Variants in HDX observed in about 807,000 individuals in gnomAD.
The protein encoded by HDX is highly divergent homeobox, also known as chromosome X open reading frame 43.
Under a neutral mutation model 45.2 loss-of-function variants are expected in HDX, and 19 were observed. That is an observed-to-expected ratio of 0.42 (90% CI 0.29 to 0.62). The LOEUF is 0.62. Among genes scored for constraint, HDX ranks in the 20% least tolerant of loss-of-function variants. HDX has a pLI of 0.20. For synonymous variants in HDX, 188 were observed against 172.8 expected, an observed-to-expected ratio of 1.09 and a Z score of -0.69; for missense variants, 532 against 493.9, an observed-to-expected ratio of 1.08 and a Z score of -0.73.
intron 6 of HDX, among the ~76,000 whole-genome samples, chrX:84,359,240 T>TA (rs2037560511): frequency 9.0e-6 from 1 of 110,727 alleles, no homozygotes; most frequent in South Asian, 3.9e-4. Flanking sequence ...GCAGGTTTGT[T>TA]ACAAAGGTAA....
chrX:84,361,395 A>G (rs2037619192), intron 6 of HDX, 71 bp downstream of exon 6: 14 of 959,692 alleles, frequency 1.5e-5, no homozygotes, highest in Non-Finnish European at 2.1e-5. Context: ...GGAGCACCTC[A>G]TGTAAGATTT....
chrX:84,458,800 C>T (rs1304225607), intron 4 of HDX, among the ~76,000 whole-genome samples: 1 of 111,501 alleles, frequency 9.0e-6, no homozygotes, highest in East Asian at 2.8e-4. Flanking sequence ...GGACCATAAA[C>T]TGTTTATTGC....
At chrX:84,501,855 A>G (rs2041125833) in intron 1 of HDX, among the ~76,000 whole-genome samples, 1 of 110,850 alleles carries the variant, frequency 9.0e-6, no homozygotes, top group Non-Finnish European at 1.9e-5. Flanking sequence ...GCGCCTGTGC[A>G]AACTCCACGC....
chrX:84,465,320 G>GTA (rs1170835855), intron 4 of HDX, among the ~76,000 whole-genome samples: 19 of 111,947 alleles, frequency 1.7e-4, no homozygotes, highest in Non-Finnish European at 3.4e-4. Context: ...CCCATTACTG[G>GTA]TATATACCCA....
intron 9 of HDX, among the ~76,000 whole-genome samples, chrX:84,330,253 A>G (rs921690393): frequency 2.1e-4 from 23 of 111,903 alleles, no homozygotes; most frequent in Admixed American, 5.7e-4. Context: ...TTCAAAAAAC[A>G]TGGAAGTAGC....
At chrX:84,378,470 A>G (rs2038109727) in intron 5 of HDX, among the ~76,000 whole-genome samples, 2 of 111,842 alleles carry the variant, frequency 1.8e-5, no homozygotes, top group Admixed American at 1.9e-4. Flanking sequence ...ACAGTACAAT[A>G]AAGTACAATT....
At chrX:84,380,370 T>C (rs2038159562) in intron 5 of HDX, among the ~76,000 whole-genome samples, 1 of 110,249 alleles carries the variant, frequency 9.1e-6, no homozygotes, top group Admixed American at 9.7e-5. Context: ...ACTCATTTTA[T>C]GAAGTCAGTA....
intron 4 of HDX, among the ~76,000 whole-genome samples, chrX:84,467,419 G>A (rs771711641): frequency 5.4e-5 from 6 of 110,363 alleles, no homozygotes; most frequent in African/African-American, 2.0e-4. Context: ...CTGAGGTGAG[G>A]AGTCCAAGAC....
chrX:84,495,111 C>T (rs955863948), intron 1 of HDX, among the ~76,000 whole-genome samples: 3 of 109,240 alleles, frequency 2.7e-5, no homozygotes, highest in Admixed American at 2.0e-4. Context: ...ACAAATACTG[C>T]GCGATCTCAC....
At chrX:84,421,102 T>A (rs757977720) in intron 5 of HDX, among the ~76,000 whole-genome samples, 3 of 112,038 alleles carry the variant, frequency 2.7e-5, no homozygotes, top group African/African-American at 9.7e-5. Flanking sequence ...CATTGGTAAT[T>A]GTAAGTACAC....
chrX:84,457,223 A>T (rs903415547), intron 4 of HDX, among the ~76,000 whole-genome samples: 2 of 111,568 alleles, frequency 1.8e-5, no homozygotes, highest in African/African-American at 6.5e-5. Context: ...TGCCATTAAC[A>T]TTTAACTTCT....
At chrX:84,434,070 A>T (rs904224066) in intron 5 of HDX, among the ~76,000 whole-genome samples, 4 of 111,454 alleles carry the variant, frequency 3.6e-5, no homozygotes, top group Non-Finnish European at 7.6e-5. Flanking sequence ...TACCAGTTTT[A>T]AGAGTTTTGT....
At chrX:84,352,361 T>C (rs775257233) in intron 6 of HDX, among the ~76,000 whole-genome samples, 33 of 112,077 alleles carry the variant, frequency 2.9e-4, no homozygotes, top group Non-Finnish European at 6.0e-4. Context: ...AAAGAGAAAA[T>C]TGCCTAGTAT....
chrX:84,469,308 G>T lies in HDX; in HGVS notation c.415C>A (p.Gln139Lys). The T allele has an allele frequency of 8.3e-7, 1 of 1,211,072 alleles. No homozygotes were observed. Among genetic ancestry groups the T allele is most frequent in the Non-Finnish European group, 1.1e-6 (1 of 895,123 alleles). The stretch of plus-strand genomic sequence containing the variant: ...GTATCATTTTTAGTGGCTGTTTTCT[G>T]AATAGGGATTTTATGTGCTTCTGTA... ...QITEAHKIPI[Q>K]KTATKNDTEF... The change falls in exon 4 of 11, where the codon CAG becomes AAG. Residue 139 changes from glutamine to lysine, a missense_variant. Physicochemically the swap from Gln to Lys is moderately conservative, Grantham distance 53 (BLOSUM62 1). Transcript: ENST00000373177.
intron 8 of HDX, among the ~76,000 whole-genome samples, chrX:84,334,374 T>C (rs1490368811): frequency 9.0e-6 from 1 of 110,691 alleles, no homozygotes; most frequent in Non-Finnish European, 1.9e-5. Flanking sequence ...GATGTAATGA[T>C]AAAAATAGCA....
At chrX:84,455,191 A>G (rs1194508447) in intron 4 of HDX, among the ~76,000 whole-genome samples, 1 of 111,775 alleles carries the variant, frequency 8.9e-6, no homozygotes, top group Non-Finnish European at 1.9e-5. Context: ...ACAACCATCA[A>G]GGCCATCCAG....
intron 8 of HDX, 121 bp downstream of exon 8, chrX:84,336,680 T>A: frequency 2.1e-6 from 1 of 478,255 alleles, no homozygotes; most frequent in Non-Finnish European, 3.5e-6. Context: ...TGGAAAGAGG[T>A]CTGTTTTGGT....
chrX:84,389,300 A>T lies in HDX; in HGVS notation c.1306-27688T>A, dbSNP rs1049940301. Among the ~76,000 whole-genome samples, 4 of 111,681 alleles carry T rather than the reference A, an allele frequency of 3.6e-5. No individual in the cohort carries two copies. In the East Asian group the frequency reaches 1.1e-3, roughly 32 times the overall value. On this transcript the variant is annotated intron_variant, in intron 5 of 10. Coordinates refer to ENST00000373177, the MANE Select transcript of HDX (RefSeq NM_001177479.2). ...CACGCCTGGCTTTCTTTTGTTAGAT[A>T]TTGTGGGCCAAAGGGCCACCTCAGG... is the stretch of plus-strand genomic sequence containing the variant.
chrX:84,356,614 C>CTTTTTTTT (rs59321751), intron 6 of HDX, among the ~76,000 whole-genome samples: 1 of 39,505 alleles, frequency 2.5e-5, no homozygotes, highest in Non-Finnish European at 4.1e-5. Flanking sequence ...CTGTGGATAT[C>CTTTTTTTT]TTTTTTTTTT....
Sources: gnomAD v4.1 joint callset for allele counts (sites outside exome capture counted in the v4.1 genomes callset) on GRCh38, gnomAD v4.1.1 for gene constraint, MANE v1.5 for transcripts, NCBI Gene and HGNC (gene_info 2026-07-23, HGNC 2026-07-21) for gene names.